The following MACC1 variants were observed in gnomAD, a reference collection of about 807,000 sequenced individuals.
The protein encoded by MACC1 is metastasis-associated in colon cancer protein 1.
A neutral mutation model predicts 70.7 loss-of-function variants in MACC1; 79 were observed. That is an observed-to-expected ratio of 1.12 (90% CI 0.93 to 1.35). MACC1 has a LOEUF of 1.35. Among genes scored for constraint, MACC1 ranks in the 40% most tolerant of loss-of-function variants. The probability of loss-of-function intolerance (pLI) is 0.00; values close to 1 mark genes in which losing one functional copy is unlikely to be tolerated. For missense variants in MACC1, 1,106 were observed against 978.1 expected (o/e 1.13, Z -1.74); for synonymous variants, 361 against 347.2 (o/e 1.04, Z -0.44).
intron 1 of MACC1, among the ~76,000 whole-genome samples, chr7:20,196,319 T>C (rs993674843): frequency 7.9e-5 from 12 of 152,166 alleles, no homozygotes; most frequent in South Asian, 4.1e-4. Flanking sequence ...TAGCTGGGAC[T>C]ACAGGCGCCC....
intron 1 of MACC1, among the ~76,000 whole-genome samples, chr7:20,181,670 C>T (rs796171734): frequency 4.6e-5 from 7 of 152,084 alleles, no homozygotes; most frequent in African/African-American, 1.7e-4. Context: ...TTCTCTTATA[C>T]CACAATTAAT....
intron 5 of MACC1, among the ~76,000 whole-genome samples, chr7:20,156,583 C>T (rs1256015047): frequency 6.6e-6 from 1 of 152,196 alleles, no homozygotes; most frequent in Non-Finnish European, 1.5e-5. Context: ...ACGCAGCTTC[C>T]ACCAGGTAGA....
At chr7:20,147,324 T>C (rs1781907345) in intron 6 of MACC1, 1 of 152,220 alleles carries the variant, frequency 6.6e-6, no homozygotes, top group South Asian at 2.1e-4. Flanking sequence ...TTATAAAATA[T>C]GAATAGCATA....
At chr7:20,171,546 G>C (rs956640156) in intron 1 of MACC1, among the ~76,000 whole-genome samples, 1 of 150,578 alleles carries the variant, frequency 6.6e-6, no homozygotes, top group Non-Finnish European at 1.5e-5. Context: ...GAGCCACCAC[G>C]CCCGGCTGAT....
At position 20,134,892 on chromosome 7, in the gene MACC1, G is replaced by A. The variant is rs570651658; in HGVS notation, c.*6054C>T. 5 of 152,242 alleles carry A rather than the reference G, an allele frequency of 3.3e-5. No individual in the cohort carries two copies. Among genetic ancestry groups the A allele is most frequent in the Admixed American group, 6.5e-5 (1 of 15,292 alleles). The allele number at this position is 152,242 out of a possible 1,614,324, so 9.4% of individuals were successfully genotyped here. ...GATGGCAGAGGATAAAACGTGATAC[G>A]TCAATCTCAAAGTGAGATGGTTCAG... On this transcript the variant is annotated 3_prime_UTR_variant, in exon 7 of 7. Transcript: ENST00000400331.
chr7:20,182,219 A>G (rs1782520771), intron 1 of MACC1, among the ~76,000 whole-genome samples: 1 of 151,430 alleles, frequency 6.6e-6, no homozygotes, highest in South Asian at 2.1e-4. Context: ...GAGGGATAGC[A>G]TTAGGAGATA....
chr7:20,211,767 T>A (rs1317436004), intron 1 of MACC1, among the ~76,000 whole-genome samples: 2 of 152,202 alleles, frequency 1.3e-5, no homozygotes, highest in African/African-American at 4.8e-5. Flanking sequence ...TCTGCAAATA[T>A]TCACTAGAGT....
At chr7:20,167,319 C>A (rs530848788) in intron 2 of MACC1, among the ~76,000 whole-genome samples, 2 of 152,104 alleles carry the variant, frequency 1.3e-5, no homozygotes, top group African/African-American at 4.8e-5. Context: ...CCTCAGCCTC[C>A]TGAGTAGCCA....
At chr7:20,191,832 A>G (rs1782677857) in intron 1 of MACC1, among the ~76,000 whole-genome samples, 1 of 152,200 alleles carries the variant, frequency 6.6e-6, no homozygotes, top group Admixed American at 6.5e-5. Flanking sequence ...CAGGACAGAA[A>G]TCGACGCTGA....
chr7:20,197,120 C>T (rs1782765565), intron 1 of MACC1, among the ~76,000 whole-genome samples: 1 of 152,172 alleles, frequency 6.6e-6, no homozygotes, highest in Non-Finnish European at 1.5e-5. Flanking sequence ...AAAGGTCCAT[C>T]CCAATGTTGG....
chr7:20,175,989 T>C (rs1782387216), intron 1 of MACC1, among the ~76,000 whole-genome samples: 2 of 152,230 alleles, frequency 1.3e-5, no homozygotes, highest in South Asian at 4.1e-4. Context: ...ACCTCTTCGA[T>C]ATCCTTCAGT....
At chr7:20,180,675 T>C (rs3114465) in intron 1 of MACC1, among the ~76,000 whole-genome samples, 73,724 of 151,728 alleles carry the variant, frequency 0.49, 19,662 homozygotes, top group East Asian at 0.86. Context: ...TGAAACCCCA[T>C]CTCTACTAAA....
chr7:20,163,374 A>T (rs927350958), intron 3 of MACC1, among the ~76,000 whole-genome samples: 9 of 152,254 alleles, frequency 5.9e-5, no homozygotes, highest in African/African-American at 1.7e-4. Context: ...ATTGTCTAGG[A>T]AATAGGCTTA....
chr7:20,197,800 T>C (rs550160035), intron 1 of MACC1, among the ~76,000 whole-genome samples: 2 of 152,366 alleles, frequency 1.3e-5, no homozygotes, highest in Admixed American at 1.3e-4. Flanking sequence ...CAGAAAAGTT[T>C]CAATCACGTA....
chr7:20,157,758 C>A (rs561609675), intron 5 of MACC1, among the ~76,000 whole-genome samples: 191 of 126,860 alleles, frequency 1.5e-3, no homozygotes, highest in Non-Finnish European at 2.4e-3. Flanking sequence ...CAGACCGAGA[C>A]TTTGTCTCAA....
At chr7:20,163,562 C>G (rs1386473288) in intron 3 of MACC1, among the ~76,000 whole-genome samples, 1 of 152,152 alleles carries the variant, frequency 6.6e-6, no homozygotes, top group East Asian at 1.9e-4. Context: ...GGCATATTAA[C>G]ACAATGAAGT....
chr7:20,158,416 T>A lies in MACC1; in HGVS notation c.1945A>T (p.Ile649Phe). ...ACCAAGGTTAATACAACTGAGTAGA[T>A]ATAAGTCAATTTTTTTAAAGGCAGG... ...IVLPLKKLTY[I>F]YSVVLTLVSE... Residue 649 changes from isoleucine (I) to phenylalanine (F), a missense_variant, in exon 5 of 7, where the codon ATC (isoleucine) becomes TTC (phenylalanine). Transcript: ENST00000400331. 1 of 1,613,854 alleles carries A rather than the reference T, an allele frequency of 6.2e-7. No homozygotes were observed. Among genetic ancestry groups the A allele is most frequent in the Non-Finnish European group, 8.5e-7 (1 of 1,179,940 alleles).
At chr7:20,187,753 A>C (rs746993282) in intron 1 of MACC1, among the ~76,000 whole-genome samples, 5 of 152,140 alleles carry the variant, frequency 3.3e-5, no homozygotes, top group Admixed American at 6.6e-5. Flanking sequence ...AGACAATGCA[A>C]CTTTATGTTT....
chr7:20,194,497 G>A (rs1782720509), intron 1 of MACC1, among the ~76,000 whole-genome samples: 1 of 152,148 alleles, frequency 6.6e-6, no homozygotes, highest in Non-Finnish European at 1.5e-5. Flanking sequence ...CTCACTTAAG[G>A]AGGCTTCGCT....
Sources: gnomAD v4.1 joint callset for allele counts (sites outside exome capture counted in the v4.1 genomes callset) on GRCh38, gnomAD v4.1.1 for gene constraint, MANE v1.5 for transcripts, NCBI Gene and HGNC (gene_info 2026-07-23, HGNC 2026-07-21) for gene names.